Variants in ZNF385B observed in about 807,000 individuals in gnomAD.
ZNF385B encodes zinc finger protein 385B.
ZNF385B carries 23 observed loss-of-function variants against 39.2 expected under a neutral mutation model. The observed-to-expected ratio is 0.59, with a 90% confidence interval of 0.42 to 0.83. ZNF385B has a LOEUF of 0.83. Among genes scored for constraint, ZNF385B ranks in the 40% least tolerant of loss-of-function variants. ZNF385B has a pLI of 0.00. For missense variants in ZNF385B, 552 were observed against 598.9 expected (o/e 0.92, Z 0.82); for synonymous variants, 205 against 222.6 (o/e 0.92, Z 0.70).
chr2:179,782,328 C>A (rs1559189987), intron 1 of ZNF385B, among the ~76,000 whole-genome samples: 1 of 152,126 alleles, frequency 6.6e-6, no homozygotes, highest in Non-Finnish European at 1.5e-5. Context: ...ATTGAAGGAA[C>A]ATATCTCCAA....
chr2:179,681,748 TTGAC>T (rs1697534195), intron 3 of ZNF385B, among the ~76,000 whole-genome samples: 1 of 152,208 alleles, frequency 6.6e-6, no homozygotes, highest in African/African-American at 2.4e-5. Context: ...AGTCTCATCT[TTGAC>T]TGTGGGAAAT....
At chr2:179,466,256 G>A (rs776964653) in intron 6 of ZNF385B, among the ~76,000 whole-genome samples, 13 of 152,004 alleles carry the variant, frequency 8.6e-5, no homozygotes, top group Non-Finnish European at 1.8e-4. Flanking sequence ...GTATTTTGAT[G>A]TTTGATGAAA....
intron 3 of ZNF385B, among the ~76,000 whole-genome samples, chr2:179,603,369 C>A (rs1226897792): frequency 6.6e-6 from 1 of 152,188 alleles, no homozygotes. Flanking sequence ...TCTTCCAAGG[C>A]AGCCCAGATT....
In ZNF385B at chr2:179,522,792, A is replaced by G. The variant is rs1284421909; in HGVS notation, c.442-4154T>C. On this transcript the variant is annotated intron_variant, in intron 4 of 9. Coordinates refer to ENST00000410066, the MANE Select transcript of ZNF385B (RefSeq NM_152520.6). ...AATAAAGCTGTCTATGGATTGAGAA[A>G]AGTATAATTCATTAGGAAATAATAC... The G allele has an allele frequency of 1.0e-5, 3 of 301,174 alleles. No individual in the cohort carries two copies. The East Asian group carries it at 3.0e-4, about 30-fold the overall frequency. 18.7% of individuals were successfully genotyped at this position (301,174 alleles called of 1,614,324 possible).
At position 179,841,194 on chromosome 2, in the gene ZNF385B, A is replaced by C. The variant is rs553731211; in HGVS notation, c.-155+19907T>G. 5.2e-5 allele frequency among the ~76,000 whole-genome samples: 8 copies of C among 152,382 alleles called. No individual in the cohort carries two copies. The East Asian group carries it at 9.6e-4, about 18-fold the overall frequency. ...CAGTTTGGATTTCAAAAGTTAAGGG[A>C]ACAATAATTCATGGGCCATATATTT... On this transcript the variant is annotated intron_variant, in intron 1 of 9. Coordinates refer to ENST00000410066, the MANE Select transcript of ZNF385B (RefSeq NM_152520.6).
At chr2:179,524,551 C>CAAAAAAAAGAAAAAAAAAA (rs1300764305) in intron 4 of ZNF385B, among the ~76,000 whole-genome samples, 10 of 60,990 alleles carry the variant, frequency 1.6e-4, no homozygotes, top group Non-Finnish European at 2.4e-4. Flanking sequence ...GACTCCGTCT[C>CAAAAAAAAGAAAAAAAAAA]AAAAAAAAAA....
chr2:179,559,067 G>A (rs1045037111), intron 3 of ZNF385B, among the ~76,000 whole-genome samples: 2 of 152,164 alleles, frequency 1.3e-5, no homozygotes, highest in Admixed American at 6.5e-5. Flanking sequence ...GAATTAGTAC[G>A]AATTTCTTGT....
At chr2:179,762,943 C>A (rs1301857763) in intron 3 of ZNF385B, among the ~76,000 whole-genome samples, 2 of 152,086 alleles carry the variant, frequency 1.3e-5, no homozygotes, top group African/African-American at 4.8e-5. Flanking sequence ...CTTGCTCTGT[C>A]TCCCAGGCTG....
intron 4 of ZNF385B, among the ~76,000 whole-genome samples, chr2:179,543,160 TACTCAGGAGGCTGAG>T (rs2060027161): frequency 6.6e-6 from 1 of 152,122 alleles, no homozygotes; most frequent in South Asian, 2.1e-4. Flanking sequence ...TAATCCCAGC[TACTCAGGAGGCTGAG>T]ACACAAGAAT....
At chr2:179,475,064 G>A (rs1278611729) in intron 6 of ZNF385B, among the ~76,000 whole-genome samples, 1 of 152,076 alleles carries the variant, frequency 6.6e-6, no homozygotes, top group African/African-American at 2.4e-5. Flanking sequence ...GAGTTATGTT[G>A]TACAATATGG....
chr2:179,554,317 T>C (rs1322085606), intron 3 of ZNF385B, among the ~76,000 whole-genome samples: 3 of 149,348 alleles, frequency 2.0e-5, no homozygotes, highest in Admixed American at 6.7e-5. Context: ...GGTTCATAAA[T>C]GGGGTTCATA....
intron 4 of ZNF385B, chr2:179,536,466 A>C (rs2059574026): frequency 6.6e-6 from 1 of 152,220 alleles, no homozygotes; most frequent in Non-Finnish European, 1.5e-5. Flanking sequence ...ACTAGGATAA[A>C]GAAAGGGACA....
chr2:179,448,550 TA>T (rs1476119802), intron 6 of ZNF385B, among the ~76,000 whole-genome samples: 1 of 152,136 alleles, frequency 6.6e-6, no homozygotes, highest in African/African-American at 2.4e-5. Flanking sequence ...CATAAACCCT[TA>T]AATTTATATA....
chr2:179,697,883 C>T (rs552088732), intron 3 of ZNF385B, among the ~76,000 whole-genome samples: 2 of 152,186 alleles, frequency 1.3e-5, no homozygotes, highest in South Asian at 2.1e-4. Context: ...GAGTTCATGT[C>T]CTTTGTAGGG....
At chr2:179,547,138 T>A (rs1158757405) in intron 3 of ZNF385B, among the ~76,000 whole-genome samples, 1 of 149,720 alleles carries the variant, frequency 6.7e-6, no homozygotes, top group Non-Finnish European at 1.5e-5. Flanking sequence ...AGATGGATAG[T>A]TTGCAAATAT....
chr2:179,698,961 TC>T (rs1222487014), intron 3 of ZNF385B, among the ~76,000 whole-genome samples: 1 of 152,204 alleles, frequency 6.6e-6, no homozygotes, highest in African/African-American at 2.4e-5. Context: ...TTAAATAATT[TC>T]ACTATTGAAG....
chr2:179,524,245 G>C (rs76899817), intron 4 of ZNF385B, among the ~76,000 whole-genome samples: 5 of 151,998 alleles, frequency 3.3e-5, no homozygotes, highest in Admixed American at 2.0e-4. Context: ...TAGAAATCAG[G>C]TTCTTTACTT....
chr2:179,852,991 A>G (rs1684302420), intron 1 of ZNF385B, among the ~76,000 whole-genome samples: 1 of 152,138 alleles, frequency 6.6e-6, no homozygotes, highest in Non-Finnish European at 1.5e-5. Context: ...AGTCTTAAAT[A>G]TTTTACTCCT....
intron 1 of ZNF385B, among the ~76,000 whole-genome samples, chr2:179,780,276 A>G (rs1704587975): frequency 6.6e-6 from 1 of 152,186 alleles, no homozygotes; most frequent in Non-Finnish European, 1.5e-5. Context: ...TAGAAAAGAC[A>G]CAAAAGTCCA....
Sources: gnomAD v4.1 joint callset for allele counts (sites outside exome capture counted in the v4.1 genomes callset) on GRCh38, gnomAD v4.1.1 for gene constraint, MANE v1.5 for transcripts, NCBI Gene and HGNC (gene_info 2026-07-23, HGNC 2026-07-21) for gene names.